Variants in NCOA6 observed in about 807,000 individuals in gnomAD.
NCOA6 encodes the protein nuclear receptor coactivator 6.
Under a neutral mutation model 171.4 loss-of-function variants are expected in NCOA6, and 49 were observed. The ratio of observed to expected loss-of-function variants is 0.29; its 90% CI spans 0.23 to 0.36. The LOEUF is 0.36. NCOA6 is among the 10% of genes least tolerant of loss of function. The pLI is 1.00. For synonymous variants in NCOA6, 910 were observed against 927.5 expected (o/e 0.98, Z 0.34); for missense variants, 2,248 against 2,554.5 (o/e 0.88, Z 2.59).
chr20:34,801,027 T>C (rs763814254), intron 1 of NCOA6, among the ~76,000 whole-genome samples: 13 of 151,952 alleles, frequency 8.6e-5, no homozygotes, highest in Non-Finnish European at 1.5e-4. Flanking sequence ...ATGACCACAA[T>C]AAAACTAAAA....
intron 8 of NCOA6, among the ~76,000 whole-genome samples, chr20:34,751,231 G>A (rs1158720172): frequency 1.3e-5 from 2 of 149,120 alleles, no homozygotes; most frequent in African/African-American, 4.9e-5. Flanking sequence ...TTAGCCGGGC[G>A]CGGTGGCAGG....
intron 1 of NCOA6, among the ~76,000 whole-genome samples, chr20:34,815,019 A>G (rs954164039): frequency 6.6e-6 from 1 of 152,240 alleles, no homozygotes; most frequent in African/African-American, 2.4e-5. Context: ...ATTACTGACC[A>G]CAATTCAAAT....
At chr20:34,755,036 T>C (rs1281797807) in intron 7 of NCOA6, among the ~76,000 whole-genome samples, 168 bp from the exon 8 acceptor site, 4 of 152,110 alleles carry the variant, frequency 2.6e-5, no homozygotes, top group Admixed American at 6.5e-5. Flanking sequence ...GTTAAAAAAA[T>C]CAACACAATC....
intron 1 of NCOA6, among the ~76,000 whole-genome samples, chr20:34,823,699 T>TC (rs1328375243): frequency 1.3e-5 from 2 of 151,930 alleles, no homozygotes; most frequent in Non-Finnish European, 2.9e-5. Context: ...GGAGCATCTC[T>TC]CTTTTTTTTT....
At chr20:34,805,022 C>A (rs1319934212) in intron 1 of NCOA6, among the ~76,000 whole-genome samples, 1 of 151,126 alleles carries the variant, frequency 6.6e-6, no homozygotes, top group Non-Finnish European at 1.5e-5. Context: ...AACCTCTGTT[C>A]TACTCTCTAT....
chr20:34,790,509 T>G (rs560348449), intron 2 of NCOA6, among the ~76,000 whole-genome samples: 47 of 150,746 alleles, frequency 3.1e-4, no homozygotes, highest in Admixed American at 1.3e-3. Flanking sequence ...CACCCACCAC[T>G]ACGCCCAGCT....
At chr20:34,718,480 C>CTT (rs913628188) in intron 14 of NCOA6, among the ~76,000 whole-genome samples, 1 of 140,672 alleles carries the variant, frequency 7.1e-6, no homozygotes, top group Non-Finnish European at 1.6e-5. Flanking sequence ...GGCAAATCAC[C>CTT]TTTTTTTTTT....
intron 12 of NCOA6, 23 bp from the exon 13 acceptor site, chr20:34,732,618 G>A (rs757464448): frequency 6.2e-7 from 1 of 1,608,244 alleles, no homozygotes; most frequent in South Asian, 1.1e-5. Flanking sequence ...ATAAAGGATA[G>A]AAATGAAATG....
intron 4 of NCOA6, among the ~76,000 whole-genome samples, chr20:34,771,428 C>T (rs1198922277): frequency 6.6e-6 from 1 of 152,174 alleles, no homozygotes; most frequent in African/African-American, 2.4e-5. Context: ...AGCCACTCAG[C>T]CCAGCCAATG....
rs61730987 is a variant in NCOA6, at chr20:34,742,744, G to A, written c.3512C>T (p.Ser1171Leu). The A allele has an allele frequency of 4.9e-4, 786 of 1,614,154 alleles. 3 individuals carry two copies. In the African/African-American group the frequency reaches 9.1e-3, roughly 19 times the overall value. The part of the protein sequence containing the change: ...LMMTGPKPGP[S>L]PLSATQGATP... Reference sequence around the variant, plus strand: ...TGCACCTTGAGTTGCTGAAAGGGGCGATGGTCCAGGTTTTGGCCCTGTCAT... The same window carrying A: ...TGCACCTTGAGTTGCTGAAAGGGGCAATGGTCCAGGTTTTGGCCCTGTCAT... The change falls in exon 11 of 15, where the codon TCG becomes TTG. Residue 1171 changes from serine (S) to leucine (L), a missense_variant. Ser to Leu is a moderately radical substitution (Grantham distance 145). Coordinates refer to ENST00000359003, the MANE Select transcript of NCOA6 (RefSeq NM_014071.5).
intron 1 of NCOA6, among the ~76,000 whole-genome samples, chr20:34,825,225 C>T (rs2079116710): frequency 6.6e-6 from 1 of 151,782 alleles, no homozygotes; most frequent in Non-Finnish European, 1.5e-5. Flanking sequence ...CCAGCCCGGC[C>T]GCCGCTCCCT....
Position 34,782,420 on chromosome 20 carries a change from G to A in NCOA6, c.-49-16C>T. 1 of 937,988 alleles carries A rather than the reference G, an allele frequency of 1.1e-6. No individual in the cohort carries two copies. The allele number at this position is 937,988 out of a possible 1,614,324, so 58.1% of individuals were successfully genotyped here. On this transcript the variant is annotated splice_polypyrimidine_tract_variant and intron_variant, in intron 2 of 14. Transcript: ENST00000359003. ...AAGAAAACTTCTGAAAAGAGAAGATGCAAAAGAGCATTACAATGCATAGTT... is the reference window on the plus strand; with the variant it reads ...AAGAAAACTTCTGAAAAGAGAAGATACAAAAGAGCATTACAATGCATAGTT...
intron 1 of NCOA6, among the ~76,000 whole-genome samples, chr20:34,805,045 T>C (rs1432627176): frequency 3.4e-5 from 5 of 145,200 alleles, no homozygotes; most frequent in African/African-American, 1.0e-4. Flanking sequence ...CTTATACCCT[T>C]TTTTTTTTTT....
At chr20:34,776,543 T>C (rs1053922640) in intron 3 of NCOA6, 95 bp from the exon 4 acceptor site, 15 of 1,384,328 alleles carry the variant, frequency 1.1e-5, no homozygotes, top group Non-Finnish European at 1.5e-5. Flanking sequence ...AAGAATAAGG[T>C]GGAGCACCAG....
rs3787220 is a variant in NCOA6, at chr20:34,749,948, T to C, written c.2247A>G (p.Pro749=). ...ACTGCACCATATTTCCTTGCATGTT[T>C]GGAGTTGGTCCCCTCATTATCTGGG... is the stretch of plus-strand genomic sequence containing the variant. ...GPAQIMRGPT[P]NMQGNMVQFT... is the part of the protein sequence containing the mutation. The change falls in exon 9 of 15, where the codon CCA becomes CCG. Residue 749 remains proline (P), a synonymous_variant. Transcript: ENST00000359003. 0.82 allele frequency: 1,329,872 copies of C among 1,614,084 alleles called. 550,022 individuals carry two copies. Among genetic ancestry groups the C allele is most frequent in the Admixed American group, 0.93 (55,730 of 60,028 alleles).
intron 12 of NCOA6, among the ~76,000 whole-genome samples, chr20:34,735,541 G>A (rs1298294565): frequency 6.6e-6 from 1 of 152,020 alleles, no homozygotes; most frequent in Non-Finnish European, 1.5e-5. Context: ...CTACTTGGGA[G>A]GCTGAGGCAG....
At chr20:34,801,865 AC>A (rs1204886399) in intron 1 of NCOA6, among the ~76,000 whole-genome samples, 3 of 152,078 alleles carry the variant, frequency 2.0e-5, no homozygotes, top group African/African-American at 7.2e-5. Context: ...CATCTCAAAA[AC>A]AAAACAAAAC....
chr20:34,719,701 A>G (rs1478326392), intron 14 of NCOA6, among the ~76,000 whole-genome samples: 1 of 151,982 alleles, frequency 6.6e-6, no homozygotes, highest in Non-Finnish European at 1.5e-5. Context: ...TTAGAGTAGT[A>G]AAAGTGGTAA....
At chr20:34,794,594 A>G (rs2078003883) in intron 1 of NCOA6, among the ~76,000 whole-genome samples, 1 of 152,218 alleles carries the variant, frequency 6.6e-6, no homozygotes, top group Non-Finnish European at 1.5e-5. Context: ...GAAAAAAAAC[A>G]GAGTAAACCA....
Sources: gnomAD v4.1 joint callset for allele counts (sites outside exome capture counted in the v4.1 genomes callset) on GRCh38, gnomAD v4.1.1 for gene constraint, MANE v1.5 for transcripts, NCBI Gene and HGNC (gene_info 2026-07-23, HGNC 2026-07-21) for gene names.